The following SCHIP1 variants were observed in gnomAD, a reference collection of about 807,000 sequenced individuals.
The protein encoded by SCHIP1 is schwannomin-interacting protein 1.
SCHIP1 carries 8 observed loss-of-function variants against 29.7 expected under a neutral mutation model. That is an observed-to-expected ratio of 0.27 (90% CI 0.16 to 0.49). The LOEUF (loss-of-function observed/expected upper bound fraction) is 0.49. SCHIP1 is among the 20% of genes least tolerant of loss of function. The pLI is 0.99. For synonymous variants in SCHIP1, 76 were observed against 94.9 expected (o/e 0.80, Z 1.16); for missense variants, 193 against 294.6 (o/e 0.66, Z 2.52).
chr3:159,874,265 A>G (rs1715557365), intron 2 of SCHIP1, among the ~76,000 whole-genome samples: 1 of 152,218 alleles, frequency 6.6e-6, no homozygotes, highest in Non-Finnish European at 1.5e-5. Flanking sequence ...TGTGACCTGA[A>G]ATAGGCTATA....
chr3:159,680,682 T>TATGTATATATATAATATATATTATATATA, the SCHIP1 span, among the ~76,000 whole-genome samples: 1 of 69,578 alleles, frequency 1.4e-5, no homozygotes, highest in African/African-American at 7.0e-5. Flanking sequence ...ATATATATAA[T>TATGTATATATATAATATATATTATATATA]ATATGTATAT....
chr3:159,738,826 C>CT, the SCHIP1 span, among the ~76,000 whole-genome samples: 1 of 152,106 alleles, frequency 6.6e-6, no homozygotes, highest in Non-Finnish European at 1.5e-5. Flanking sequence ...GTGTTTTGCT[C>CT]TTTTTTAGGT....
At chr3:159,626,537 G>C in the SCHIP1 span, among the ~76,000 whole-genome samples, 1 of 151,748 alleles carries the variant, frequency 6.6e-6, no homozygotes. Flanking sequence ...GGTCGTCTGG[G>C]GCATGAATGA....
At chr3:159,577,126 T>G in the SCHIP1 span, among the ~76,000 whole-genome samples, 3 of 152,294 alleles carry the variant, frequency 2.0e-5, no homozygotes, top group African/African-American at 7.2e-5. Context: ...ACGTTTCAAG[T>G]ATTAAAAAAA....
chr3:159,492,542 G>A, the SCHIP1 span, among the ~76,000 whole-genome samples: 1 of 152,046 alleles, frequency 6.6e-6, no homozygotes, highest in Non-Finnish European at 1.5e-5. Flanking sequence ...GAGAAGGGAA[G>A]TTTAGAGAAA....
chr3:159,373,667 G>A, the SCHIP1 span, among the ~76,000 whole-genome samples: 1 of 151,946 alleles, frequency 6.6e-6, no homozygotes, highest in African/African-American at 2.4e-5. Context: ...TTCAGTATTT[G>A]TCTTTCTGTG....
intron 2 of SCHIP1, among the ~76,000 whole-genome samples, chr3:159,874,776 C>T (rs1715612226): frequency 6.6e-6 from 1 of 152,182 alleles, no homozygotes; most frequent in African/African-American, 2.4e-5. Flanking sequence ...AAGAGGTTGT[C>T]TAGTTCCAAC....
the SCHIP1 span, among the ~76,000 whole-genome samples, chr3:159,655,893 GA>G: frequency 2.0e-5 from 3 of 151,872 alleles, no homozygotes; most frequent in African/African-American, 7.3e-5. Context: ...CGTCTCAGAA[GA>G]AAAAAAATAA....
At chr3:159,459,951 C>T in the SCHIP1 span, among the ~76,000 whole-genome samples, 1 of 152,172 alleles carries the variant, frequency 6.6e-6, no homozygotes, top group East Asian at 1.9e-4. Flanking sequence ...TCTCATACTT[C>T]TGGCCTCCAG....
the SCHIP1 span, among the ~76,000 whole-genome samples, chr3:159,700,205 C>T: frequency 6.6e-6 from 1 of 152,218 alleles, no homozygotes; most frequent in Middle Eastern, 3.4e-3. Context: ...ACATAATGAT[C>T]GGTTTGCAGT....
the SCHIP1 span, among the ~76,000 whole-genome samples, chr3:159,333,662 T>C: frequency 6.6e-6 from 1 of 152,222 alleles, no homozygotes; most frequent in East Asian, 1.9e-4. Context: ...ATATGGGCCT[T>C]CTTACAATAC....
the SCHIP1 span, among the ~76,000 whole-genome samples, chr3:159,785,778 C>T: frequency 3.3e-5 from 5 of 152,118 alleles, no homozygotes; most frequent in Non-Finnish European, 5.9e-5. Context: ...GAAGTTTTAG[C>T]AAAACATCCA....
At chr3:159,677,117 G>C in the SCHIP1 span, among the ~76,000 whole-genome samples, 1 of 152,070 alleles carries the variant, frequency 6.6e-6, no homozygotes, top group Non-Finnish European at 1.5e-5. Flanking sequence ...GGGCCAAAAG[G>C]TCTTGCCCAC....
the SCHIP1 span, among the ~76,000 whole-genome samples, chr3:159,776,968 C>A: frequency 6.6e-6 from 1 of 152,082 alleles, no homozygotes; most frequent in Non-Finnish European, 1.5e-5. Flanking sequence ...GAAGGTATGT[C>A]CCAGGGGTAA....
At chr3:159,837,236 C>T (rs62270398), upstream of SCHIP1, among the ~76,000 whole-genome samples, 7,087 of 152,162 alleles carry the variant, frequency 0.047, 205 homozygotes, top group Non-Finnish European at 0.069. Flanking sequence ...AGCTTGGAAA[C>T]ATGTTCCTGA....
the SCHIP1 span, among the ~76,000 whole-genome samples, chr3:159,470,721 G>A: frequency 6.6e-6 from 1 of 152,028 alleles, no homozygotes; most frequent in African/African-American, 2.4e-5. Context: ...AATGTCTGTA[G>A]CAACATTATT....
the SCHIP1 span, among the ~76,000 whole-genome samples, chr3:159,305,200 T>G: frequency 2.0e-5 from 3 of 152,210 alleles, no homozygotes; most frequent in African/African-American, 7.2e-5. Context: ...AGAGCCCTGC[T>G]GGGTCCAGTA....
chr3:159,426,724 A>C, the SCHIP1 span, among the ~76,000 whole-genome samples: 1 of 152,202 alleles, frequency 6.6e-6, no homozygotes, highest in Non-Finnish European at 1.5e-5. Flanking sequence ...GGGCAGAGAC[A>C]CAACCAAAAA....
At chr3:159,391,892 G>A in the SCHIP1 span, among the ~76,000 whole-genome samples, 1 of 152,154 alleles carries the variant, frequency 6.6e-6, no homozygotes, top group East Asian at 1.9e-4. Context: ...ACAGCCAGAT[G>A]CAAATCCATG....
Sources: allele counts gnomAD v4.1 joint callset (sites outside exome capture counted in the v4.1 genomes callset), GRCh38; gene constraint gnomAD v4.1.1; transcripts MANE v1.5; gene names NCBI Gene and HGNC (gene_info 2026-07-23, HGNC 2026-07-21).